Variants in FASN observed in about 807,000 individuals in gnomAD.
FASN encodes fatty acid synthase.
FASN carries 50 observed loss-of-function variants against 250.0 expected under a neutral mutation model. The observed-to-expected ratio is 0.20, with a 90% CI of 0.16 to 0.25. The LOEUF is 0.25. FASN is among the 10% of genes least tolerant of loss of function. FASN has a pLI of 1.00. For missense variants in FASN, 3,031 were observed against 3,498.5 expected (o/e 0.87, Z 3.37); for synonymous variants, 1,909 against 1,584.0 (o/e 1.21, Z -4.87).
chr17:82,088,981 G>T lies in FASN; in HGVS notation c.2292C>A (p.His764Gln), dbSNP rs762161225. 1 of 1,609,214 alleles carries T rather than the reference G, an allele frequency of 6.2e-7. No homozygotes were observed. Residue 764 changes from histidine (H) to glutamine (Q), a missense_variant, in exon 14 of 43, where the codon CAC becomes CAA. Physicochemically the swap from His to Gln is conservative, Grantham distance 24 (BLOSUM62 0). Coordinates refer to ENST00000306749, the MANE Select transcript of FASN (RefSeq NM_004104.5). ...EHAVVLEIAP[H>Q]ALLQAVLKRG... Reference sequence around the variant, plus strand: ...AGGCTGGGCCTACCTGCAGCAGGGCGTGGGGCGCGATCTCCAGCACCACCG... The same window carrying T: ...AGGCTGGGCCTACCTGCAGCAGGGCTTGGGGCGCGATCTCCAGCACCACCG...
intron 30 of FASN, 59 bp from the exon 31 acceptor site, chr17:82,083,698 A>C: frequency 6.2e-7 from 1 of 1,605,562 alleles, no homozygotes; most frequent in Non-Finnish European, 8.5e-7. Context: ...ACCACAGTCC[A>C]GAGGGCCAGA....
rs1328172345 is a variant in FASN, at chr17:82,087,473, G to A, written c.3075C>T (p.Asn1025=). 6.2e-7 allele frequency: 1 copy of A among 1,612,508 alleles called. No homozygotes were observed. The highest frequency in any genetic ancestry group is 8.5e-7 in the Non-Finnish European group (1 of 1,180,020). Residue 1025 remains asparagine, a synonymous_variant, in exon 20 of 43, where the codon AAC becomes AAT. Coordinates refer to ENST00000306749, the MANE Select transcript of FASN (RefSeq NM_004104.5). ...GDSGRLLWKD[N]WVSFMDTMLQ... The stretch of plus-strand genomic sequence containing the variant: ...GCATGGTGTCCATGAAGCTCACCCA[G>A]TTATCCTTCCACAGCAGCCTCCCCG...
Position 82,088,754 on chromosome 17 carries a change from G to C in FASN, c.2420+7C>G, listed in dbSNP as rs1180817769. The stretch of plus-strand genomic sequence containing the variant: ...GGAGACGAGACCCGGGCTGGGAAGG[G>C]ACCCACCCTGAGAGGTGCAGCCTGC... On this transcript the variant is annotated splice_region_variant and intron_variant, in intron 15 of 42. Coordinates refer to ENST00000306749, the MANE Select transcript of FASN (RefSeq NM_004104.5). 1.2e-6 allele frequency: 2 copies of C among 1,609,072 alleles called. No homozygotes were observed. Among genetic ancestry groups the C allele is most frequent in the East Asian group, 2.2e-5 (1 of 44,858 alleles).
chr17:82,079,517 C>T lies in FASN; in HGVS notation c.7238G>A (p.Arg2413His), dbSNP rs557050126. 2.4e-5 allele frequency: 38 copies of T among 1,611,608 alleles called. No homozygotes were observed. The East Asian group carries it at 4.9e-4, about 21-fold the overall frequency. ...LIIKSHQGLD[R>H]QELSFAARSF... ...CCGGGCCGCAAAGCTCAGCTCCTGG[C>T]GGTCCAGGCCCTGGTGGCTCTTGAT... The change falls in exon 42 of 43, where the codon CGC becomes CAC. Residue 2413 changes from arginine (R) to histidine (H), a missense_variant. Arg to His is a conservative substitution (Grantham distance 29). Transcript: ENST00000306749.
intron 8 of FASN, among the ~76,000 whole-genome samples, chr17:82,092,152 C>T (rs1192298084): frequency 6.6e-6 from 1 of 152,172 alleles, no homozygotes; most frequent in Non-Finnish European, 1.5e-5. Context: ...TGGACCCCCC[C>T]AGGCCTGCTC....
chr17:82,082,584 GC>G lies in FASN; in HGVS notation c.5861del (p.Gly1954AlafsTer22). 6.2e-7 allele frequency: 1 copy of G among 1,609,902 alleles called. No homozygotes were observed. Reference sequence around the variant, plus strand: ...CAAGCTGCGCCGCCTCGGCAATGAGGCCCCGGGCCCCCTCCAGTGAGCTGAT... The same window carrying G: ...CAAGCTGCGCCGCCTCGGCAATGAGGCCCGGGCCCCCTCCAGTGAGCTGAT... ...SNISSLEGAR[G>X]LIAEAAQLGP... is the part of the protein sequence containing the mutation. On this transcript the variant is annotated frameshift_variant, in exon 34 of 43. Transcript: ENST00000306749. LOFTEE classifies it high-confidence loss of function.
At chr17:82,090,241 C>T (rs768154614) in intron 11 of FASN, 134 bp downstream of exon 11, 27 of 865,888 alleles carry the variant, frequency 3.1e-5, no homozygotes, top group East Asian at 1.1e-4. Context: ...CGGCTGTGTC[C>T]GAGCTGGGTG....
intron 5 of FASN, 44 bp from the exon 6 acceptor site, chr17:82,093,063 G>A (rs573336816): frequency 3.2e-5 from 52 of 1,607,574 alleles, no homozygotes; most frequent in Middle Eastern, 2.1e-4. Context: ...GCCCCACGCC[G>A]GCCCCCACCC....
Position 82,092,592 on chromosome 17 carries a change from G to A in FASN, c.895-3C>T, listed in dbSNP as rs1464255324. 1.2e-6 allele frequency: 2 copies of A among 1,606,052 alleles called. No homozygotes were observed. Among genetic ancestry groups the A allele is most frequent in the Non-Finnish European group, 1.7e-6 (2 of 1,179,602 alleles). Reference sequence around the variant, plus strand: ...TTCAGCTCCTGGGGGTCGCCCACCTGTGGGAAACATGGGGGGTGAGGGGCT... The same window carrying A: ...TTCAGCTCCTGGGGGTCGCCCACCTATGGGAAACATGGGGGGTGAGGGGCT... On this transcript the variant is annotated splice_region_variant and splice_polypyrimidine_tract_variant and intron_variant, in intron 7 of 42. Transcript: ENST00000306749.
In FASN at chr17:82,084,876, A is replaced by G. The variant is rs779132856; in HGVS notation, c.4487T>C (p.Val1496Ala). 4.3e-5 allele frequency: 67 copies of G among 1,550,370 alleles called. No individual in the cohort carries two copies. The highest frequency in any genetic ancestry group is 5.7e-5 in the Non-Finnish European group (65 of 1,147,110). Residue 1496 changes from valine (V) to alanine (A), a missense_variant, in exon 26 of 43, where the codon GTG becomes GCG. Val to Ala is a moderately conservative substitution (Grantham distance 64). Coordinates refer to ENST00000306749, the MANE Select transcript of FASN (RefSeq NM_004104.5). ...GTTCATCACCAGGTCTCCCTGCAAC[A>G]CCTTCTGCAGTTCTGCGGAGCCCGG... is the stretch of plus-strand genomic sequence containing the variant. Reference protein sequence around the residue: ...VDPGSAELQKVLQGDLVMNVY... With the variant: ...VDPGSAELQKALQGDLVMNVY...
At position 82,083,345 on chromosome 17, in the gene FASN, G is replaced by A. The variant is rs942504929; in HGVS notation, c.5422C>T (p.Arg1808Trp). ...GCCTGCACAAGCGCCCACACCTCCC[G>A]CCAGTCAGCACTGCTCTCGTTGAAG... ...AFFNESSADW[R>W]EVWALVQAGI... Residue 1808 changes from arginine to tryptophan, a missense_variant, in exon 32 of 43, where the codon CGG becomes TGG. Arg to Trp is a moderately radical substitution (Grantham distance 101, BLOSUM62 -3). Coordinates refer to ENST00000306749, the MANE Select transcript of FASN (RefSeq NM_004104.5). 3 of 1,612,574 alleles carry A rather than the reference G, an allele frequency of 1.9e-6. No homozygotes were observed. Among genetic ancestry groups the A allele is most frequent in the African/African-American group, 1.3e-5 (1 of 74,884 alleles).
intron 3 of FASN, among the ~76,000 whole-genome samples, chr17:82,094,443 C>T (rs2034269497): frequency 6.6e-6 from 1 of 151,770 alleles, no homozygotes; most frequent in African/African-American, 2.4e-5. Context: ...GCCCAGGGCT[C>T]AGCCTCCCCC....
rs1038014684 is a variant in FASN, at chr17:82,096,569, T to C, written c.-7-117A>G. 9.5e-6 allele frequency: 14 copies of C among 1,476,814 alleles called. No individual in the cohort carries two copies. The African/African-American group carries it at 1.1e-4, about 12-fold the overall frequency. The allele number at this position is 1,476,814 out of a possible 1,614,324, so 91.5% of individuals were successfully genotyped here. The stretch of plus-strand genomic sequence containing the variant: ...GGCCAAGCACCACCCTGAGGGTCCG[T>C]GCGGGCCCTGGCTCCTGCGGCTCCC... On this transcript the variant is annotated intron_variant, in intron 1 of 42. Transcript: ENST00000306749.
At position 82,086,534 on chromosome 17, in the gene FASN, T is replaced by G. The variant is rs17855788; in HGVS notation, c.3452A>C (p.Lys1151Thr). The change falls in exon 22 of 43, where the codon AAG becomes ACG. Residue 1151 changes from lysine (K) to threonine (T), a missense_variant. Transcript: ENST00000306749. ...CKGLVQALQT[K>T]VTQQGLKMVV... ...CATCTTCAGCCCCTGCTGGGTCACCTTGGTCTGCAGTGCCTGCACCAGCCC... is the reference window on the plus strand; with the variant it reads ...CATCTTCAGCCCCTGCTGGGTCACCGTGGTCTGCAGTGCCTGCACCAGCCC... 6.2e-7 allele frequency: 1 copy of G among 1,611,956 alleles called. No homozygotes were observed. Among genetic ancestry groups the G allele is most frequent in the East Asian group, 2.2e-5 (1 of 44,886 alleles).
chr17:82,087,006 C>A (rs369331901), intron 21 of FASN, 44 bp downstream of exon 21: 5 of 1,598,820 alleles, frequency 3.1e-6, no homozygotes, highest in Admixed American at 1.7e-5. Context: ...GCGATCGCTC[C>A]TCATCGCCAG....
chr17:82,081,030 G>A (rs1006026690), intron 38 of FASN, 108 bp from the exon 39 acceptor site: 3 of 1,391,606 alleles, frequency 2.2e-6, no homozygotes, highest in Non-Finnish European at 3.0e-6. Flanking sequence ...CGTCAGGTGG[G>A]AGTCGGGGTG....
Position 82,085,601 on chromosome 17 carries a change from C to T in FASN, c.4003G>A (p.Ala1335Thr). ...PASALSNMVA[A>T]LREGGFLLLH... ...AGCAGAAAGCCCCCTTCTCTCAGGG[C>T]AGCCACCATGTTGCTGAGAGCTGAG... Residue 1335 changes from alanine (A) to threonine (T), a missense_variant, in exon 23 of 43, where the codon GCC becomes ACC. Physicochemically the swap from Ala to Thr is moderately conservative, Grantham distance 58. Coordinates refer to ENST00000306749, the MANE Select transcript of FASN (RefSeq NM_004104.5). The T allele has an allele frequency of 6.3e-7, 1 of 1,599,082 alleles. No homozygotes were observed.
In FASN at chr17:82,089,691, G is replaced by A. The variant is rs768860580; in HGVS notation, c.1906C>T (p.Pro636Ser). The A allele has an allele frequency of 1.9e-6, 3 of 1,591,276 alleles. No homozygotes were observed. The highest frequency in any genetic ancestry group is 2.6e-6 in the Non-Finnish European group (3 of 1,170,752). The change falls in exon 12 of 43, where the codon CCG (proline) becomes TCG (serine). Residue 636 changes from proline (P) to serine (S), a missense_variant. By Grantham distance (74) the Pro-to-Ser change is moderately conservative. Coordinates refer to ENST00000306749, the MANE Select transcript of FASN (RefSeq NM_004104.5). ...SWEECKQRCP[P>S]GVVPACHNSK... ...TTGTGGCAGGCGGGCACCACGCCCG[G>A]GGGGCAGCGCTGTTTACACTCCTCC...
chr17:82,094,474 C>G (rs574619634), intron 3 of FASN, among the ~76,000 whole-genome samples: 1 of 151,794 alleles, frequency 6.6e-6, no homozygotes, highest in African/African-American at 2.4e-5. Context: ...CTTCTCCGCC[C>G]GGGGAGGGAG....
Sources: gnomAD v4.1 joint callset for allele counts (sites outside exome capture counted in the v4.1 genomes callset) on GRCh38, gnomAD v4.1.1 for gene constraint, MANE v1.5 for transcripts, NCBI Gene and HGNC (gene_info 2026-07-23, HGNC 2026-07-21) for gene names.